Variants in XKR4 observed in about 807,000 individuals in gnomAD.
XKR4 encodes XK related 4, also known as XK-related protein 4.
A neutral mutation model predicts 53.9 loss-of-function variants in XKR4; 12 were observed. That is an observed-to-expected ratio of 0.22 (90% CI 0.14 to 0.36). The LOEUF is 0.36. Among genes scored for constraint, XKR4 ranks in the 10% least tolerant of loss-of-function variants. XKR4 has a pLI of 1.00. For missense variants in XKR4, 799 were observed against 859.5 expected, an observed-to-expected ratio of 0.93 and a Z score of 0.88; for synonymous variants, 354 against 362.4, an observed-to-expected ratio of 0.98 and a Z score of 0.26.
chr8:55,435,450 T>C (rs139268638), intron 2 of XKR4, among the ~76,000 whole-genome samples: 2,161 of 152,164 alleles, frequency 0.014, 47 homozygotes, highest in African/African-American at 0.05. Flanking sequence ...AGCATATGAC[T>C]GCAGTGGTAG....
intron 1 of XKR4, among the ~76,000 whole-genome samples, chr8:55,237,003 C>T (rs751049969): frequency 3.9e-5 from 6 of 152,166 alleles, no homozygotes; most frequent in Non-Finnish European, 8.8e-5. Context: ...TGAATTTCTC[C>T]CATGTCCCCT....
intron 1 of XKR4, among the ~76,000 whole-genome samples, chr8:55,246,771 T>G (rs1180519816): frequency 6.6e-6 from 1 of 151,924 alleles, no homozygotes; most frequent in Non-Finnish European, 1.5e-5. Flanking sequence ...GCTTCATCAA[T>G]GACTCAGAGT....
At chr8:55,258,116 A>G (rs1818467114) in intron 1 of XKR4, among the ~76,000 whole-genome samples, 1 of 152,252 alleles carries the variant, frequency 6.6e-6, no homozygotes, top group African/African-American at 2.4e-5. Context: ...GGTGAGCAAC[A>G]AACAACTCTC....
intron 2 of XKR4, chr8:55,452,655 C>T (rs1285339955): frequency 1.7e-5 from 24 of 1,430,322 alleles, no homozygotes; most frequent in Non-Finnish European, 2.3e-5. Flanking sequence ...GAGGTGGTCA[C>T]TGGTGACCCC....
rs201745497 is a variant in XKR4 at position 55,536,796 on chromosome 8, G to A, written c.*12569G>A. 8 of 152,294 alleles carry A rather than the reference G, an allele frequency of 5.3e-5. No homozygotes were observed. The East Asian group carries it at 5.8e-4, about 11-fold the overall frequency. 9.4% of individuals were successfully genotyped at this position (152,294 alleles called of 1,614,324 possible). On this transcript the variant is annotated 3_prime_UTR_variant, in exon 3 of 3. Transcript: ENST00000327381. The stretch of plus-strand genomic sequence containing the variant: ...TCCTGGGCATTCTGGGCCTGGCTGC[G>A]GCACACCCTCCTTCACTTGGCCCCT...
chr8:55,380,946 T>G (rs1013082653), intron 2 of XKR4, among the ~76,000 whole-genome samples: 2 of 152,246 alleles, frequency 1.3e-5, no homozygotes, highest in Non-Finnish European at 2.9e-5. Flanking sequence ...TTTCAGTTTA[T>G]AAAATGTTTT....
intron 2 of XKR4, among the ~76,000 whole-genome samples, chr8:55,416,093 T>A (rs998769259): frequency 9.2e-5 from 14 of 152,246 alleles, no homozygotes; most frequent in African/African-American, 3.4e-4. Flanking sequence ...AGTTTGTAAT[T>A]AAAGACCTGG....
At chr8:55,457,718 A>ACC (rs1805590986) in intron 2 of XKR4, among the ~76,000 whole-genome samples, 1 of 152,142 alleles carries the variant, frequency 6.6e-6, no homozygotes, top group African/African-American at 2.4e-5. Context: ...AGATTGAAAG[A>ACC]CCCCCTTTTC....
At chr8:55,453,138 C>A in intron 2 of XKR4, 1 of 526,264 alleles carries the variant, frequency 1.9e-6, no homozygotes, top group East Asian at 5.2e-5. Context: ...ACACGGCCTC[C>A]CAGAACTGTG....
intron 1 of XKR4, among the ~76,000 whole-genome samples, chr8:55,313,885 T>G (rs1819421558): frequency 6.6e-6 from 1 of 152,220 alleles, no homozygotes; most frequent in African/African-American, 2.4e-5. Context: ...CAAGTTTTTC[T>G]GCAGAGTTAT....
chr8:55,455,785 G>A (rs1174460008), intron 2 of XKR4, among the ~76,000 whole-genome samples: 1 of 152,192 alleles, frequency 6.6e-6, no homozygotes, highest in Non-Finnish European at 1.5e-5. Flanking sequence ...TTGAGAATGG[G>A]AGGACTCTGA....
At chr8:55,177,668 C>T (rs539114967) in intron 1 of XKR4, among the ~76,000 whole-genome samples, 6 of 152,312 alleles carry the variant, frequency 3.9e-5, no homozygotes, top group African/African-American at 1.4e-4. Context: ...CGTAGGCAGC[C>T]TTCACTAACA....
chr8:55,477,477 GA>G (rs1806012975), intron 2 of XKR4, among the ~76,000 whole-genome samples: 1 of 152,118 alleles, frequency 6.6e-6, no homozygotes, highest in East Asian at 1.9e-4. Flanking sequence ...AGAAAAACTG[GA>G]AACTCTAAAA....
chr8:55,363,992 C>T lies in XKR4; in HGVS notation c.1006+6115C>T, dbSNP rs184590464. ...CACGACAGAACATATTTAGAAACACCCATTTATCTGGGTGCATTCCAGACT... is the reference window on the plus strand; with the variant it reads ...CACGACAGAACATATTTAGAAACACTCATTTATCTGGGTGCATTCCAGACT... On this transcript the variant is annotated intron_variant, in intron 2 of 2. Transcript: ENST00000327381. Among the ~76,000 whole-genome samples the T allele has an allele frequency of 2.6e-4, 40 of 152,244 alleles. No homozygotes were observed. In the East Asian group the frequency reaches 5.4e-3, roughly 21 times the overall value.
chr8:55,498,975 C>T (rs1806397604), intron 2 of XKR4, among the ~76,000 whole-genome samples: 1 of 152,216 alleles, frequency 6.6e-6, no homozygotes, highest in Non-Finnish European at 1.5e-5. Flanking sequence ...AGGCAGTCTG[C>T]CTCAGGGGCA....
At chr8:55,376,049 G>A (rs1158101786) in intron 2 of XKR4, among the ~76,000 whole-genome samples, 1 of 152,100 alleles carries the variant, frequency 6.6e-6, no homozygotes, top group Non-Finnish European at 1.5e-5. Flanking sequence ...ACCCTACAAA[G>A]GACACAATCT....
intron 1 of XKR4, among the ~76,000 whole-genome samples, chr8:55,237,918 G>A (rs1818156049): frequency 6.6e-6 from 1 of 151,800 alleles, no homozygotes; most frequent in Non-Finnish European, 1.5e-5. Flanking sequence ...GTGCCTAGCT[G>A]AAGAGCTTAG....
At position 55,177,218 on chromosome 8, in the gene XKR4, G is replaced by C. The variant is rs147836839; in HGVS notation, c.806+73924G>C. 7.0e-3 allele frequency among the ~76,000 whole-genome samples: 1,062 copies of C among 152,056 alleles called. 13 individuals carry two copies. The highest frequency in any genetic ancestry group is 0.024 in the African/African-American group (1,002 of 41,460). ...TACCTGGCTAACTTTTGTATTTTTA[G>C]TAGAAACAGGGTTTCACCATGTTGG... On this transcript the variant is annotated intron_variant, in intron 1 of 2. Transcript: ENST00000327381.
At chr8:55,472,227 GGA>G (rs966927863) in intron 2 of XKR4, among the ~76,000 whole-genome samples, 1 of 152,026 alleles carries the variant, frequency 6.6e-6, no homozygotes, top group African/African-American at 2.4e-5. Context: ...GGAATGGAGG[GGA>G]TAGGTAGCTC....
Sources: allele counts gnomAD v4.1 joint callset (sites outside exome capture counted in the v4.1 genomes callset), GRCh38; gene constraint gnomAD v4.1.1; transcripts MANE v1.5; gene names NCBI Gene and HGNC (gene_info 2026-07-23, HGNC 2026-07-21).